HIBADH: variants seen among roughly 807,000 people sequenced by gnomAD.
HIBADH encodes 3-hydroxyisobutyrate dehydrogenase.
Under a neutral mutation model 36.1 loss-of-function variants are expected in HIBADH, and 25 were observed. The ratio of observed to expected loss-of-function variants is 0.69; its 90% CI spans 0.50 to 0.97. The LOEUF (loss-of-function observed/expected upper bound fraction) is 0.97, where lower values mean the gene tolerates loss of function less well. HIBADH is among the 50% of genes least tolerant of loss of function. HIBADH has a pLI of 0.00. For missense variants in HIBADH, 421 were observed against 418.0 expected, an observed-to-expected ratio of 1.01 and a Z score of -0.06; for synonymous variants, 160 against 149.5, an observed-to-expected ratio of 1.07 and a Z score of -0.51.
At chr7:27,621,138 G>T (rs188988645) in intron 4 of HIBADH, among the ~76,000 whole-genome samples, 2 of 152,012 alleles carry the variant, frequency 1.3e-5, no homozygotes, top group African/African-American at 4.8e-5. Flanking sequence ...TTAATTGTAG[G>T]GCATTAAATA....
chr7:27,601,653 G>A (rs1452856625), intron 4 of HIBADH, among the ~76,000 whole-genome samples: 1 of 152,058 alleles, frequency 6.6e-6, no homozygotes, highest in Non-Finnish European at 1.5e-5. Flanking sequence ...AAGCTGTCCT[G>A]TGTACTCATA....
In HIBADH at chr7:27,564,254, G is replaced by T. The variant is rs988900466; in HGVS notation, c.485-21154C>A. 2.6e-5 allele frequency among the ~76,000 whole-genome samples: 4 copies of T among 152,130 alleles called. No homozygotes were observed. The South Asian group carries it at 6.2e-4, about 24-fold the overall frequency. On this transcript the variant is annotated intron_variant, in intron 4 of 7. Coordinates refer to ENST00000265395, the MANE Select transcript of HIBADH (RefSeq NM_152740.4). ...ATTTTTTATGAATTATGCTTTGGGT[G>T]CCATATCACAGAATTTTTTCCAAAC... is the stretch of plus-strand genomic sequence containing the variant.
intron 4 of HIBADH, among the ~76,000 whole-genome samples, chr7:27,594,147 T>G (rs74965089): frequency 0.037 from 623 of 16,862 alleles, 27 homozygotes; most frequent in African/African-American, 0.26. Flanking sequence ...TGTTTTTGTT[T>G]TTTTGTTTTT....
intron 4 of HIBADH, among the ~76,000 whole-genome samples, chr7:27,608,509 T>G (rs1785269714): frequency 6.6e-6 from 1 of 152,196 alleles, no homozygotes; most frequent in Non-Finnish European, 1.5e-5. Context: ...AAAATCGGAC[T>G]TCTTGAAAAC....
At chr7:27,563,557 T>G (rs1784498322) in intron 4 of HIBADH, among the ~76,000 whole-genome samples, 1 of 152,258 alleles carries the variant, frequency 6.6e-6, no homozygotes, top group African/African-American at 2.4e-5. Flanking sequence ...TCATCAGCAC[T>G]TAAACTGTTG....
chr7:27,544,081 C>T (rs1330032916), intron 4 of HIBADH, among the ~76,000 whole-genome samples: 1 of 152,108 alleles, frequency 6.6e-6, no homozygotes, highest in Non-Finnish European at 1.5e-5. Flanking sequence ...ACTTATTTTA[C>T]AGTACAGTAA....
At chr7:27,550,155 T>TGA (rs1038298196) in intron 4 of HIBADH, among the ~76,000 whole-genome samples, 1 of 152,096 alleles carries the variant, frequency 6.6e-6, no homozygotes, top group African/African-American at 2.4e-5. Context: ...ATGATCCTCC[T>TGA]GCCTCGGCCT....
chr7:27,654,861 T>A (rs116886239), intron 1 of HIBADH, among the ~76,000 whole-genome samples: 5,190 of 152,068 alleles, frequency 0.034, 117 homozygotes, highest in South Asian at 0.093. Context: ...AATTTTTGCA[T>A]TTTTTTGTAG....
At chr7:27,638,480 T>C (rs930621201) in intron 2 of HIBADH, among the ~76,000 whole-genome samples, 3 of 151,906 alleles carry the variant, frequency 2.0e-5, no homozygotes, top group South Asian at 4.1e-4. Context: ...AACCTAAAGC[T>C]ATAAAAACCT....
chr7:27,590,649 C>T (rs984028657), intron 4 of HIBADH, among the ~76,000 whole-genome samples: 1 of 152,192 alleles, frequency 6.6e-6, no homozygotes, highest in Non-Finnish European at 1.5e-5. Flanking sequence ...TAGAGCTCTA[C>T]ATCTATCTAC....
intron 4 of HIBADH, among the ~76,000 whole-genome samples, chr7:27,543,968 A>G (rs1240534845): frequency 2.6e-5 from 4 of 152,204 alleles, no homozygotes; most frequent in African/African-American, 9.6e-5. Context: ...ATAAAATAAA[A>G]CCAAGAGCGC....
chr7:27,600,600 C>A (rs961061815), intron 4 of HIBADH, among the ~76,000 whole-genome samples: 1 of 151,896 alleles, frequency 6.6e-6, no homozygotes. Flanking sequence ...TCATCCTTTT[C>A]GAAACCTTTC....
At chr7:27,580,305 T>C (rs1307151935) in intron 4 of HIBADH, among the ~76,000 whole-genome samples, 2 of 152,200 alleles carry the variant, frequency 1.3e-5, no homozygotes, top group Admixed American at 6.5e-5. Flanking sequence ...GTTCTGGATT[T>C]GTACAGATCT....
At chr7:27,656,671 A>T (rs1424349326) in intron 1 of HIBADH, among the ~76,000 whole-genome samples, 1 of 152,214 alleles carries the variant, frequency 6.6e-6, no homozygotes, top group African/African-American at 2.4e-5. Flanking sequence ...GTCGGAGTTG[A>T]AGAAAATTTT....
At chr7:27,570,531 A>T (rs1481000745) in intron 4 of HIBADH, among the ~76,000 whole-genome samples, 1 of 152,186 alleles carries the variant, frequency 6.6e-6, no homozygotes, top group Non-Finnish European at 1.5e-5. Flanking sequence ...CCTAGGGCTG[A>T]GGAAGGAACT....
intron 4 of HIBADH, among the ~76,000 whole-genome samples, chr7:27,604,841 C>T (rs762042138): frequency 2.7e-4 from 41 of 152,122 alleles, no homozygotes; most frequent in Non-Finnish European, 4.7e-4. Flanking sequence ...TAAGTGGGAA[C>T]ATCAAGGTGG....
intron 7 of HIBADH, among the ~76,000 whole-genome samples, chr7:27,527,825 A>C: frequency 1.4e-5 from 2 of 141,894 alleles, no homozygotes; most frequent in African/African-American, 2.7e-5. Context: ...ATCTTGGCTC[A>C]CAGCAACCTC....
chr7:27,629,707 C>G (rs1202397007), intron 3 of HIBADH, among the ~76,000 whole-genome samples: 1 of 151,740 alleles, frequency 6.6e-6, no homozygotes, highest in Non-Finnish European at 1.5e-5. Context: ...TTCAAAAGAT[C>G]CAAAAAAAAC....
At chr7:27,535,187 A>T (rs1380700941) in intron 6 of HIBADH, among the ~76,000 whole-genome samples, 2 of 151,800 alleles carry the variant, frequency 1.3e-5, no homozygotes, top group African/African-American at 4.8e-5. Context: ...GTTTAGTGAC[A>T]TAATTTGTTT....
Sources: gnomAD v4.1 joint callset for allele counts (sites outside exome capture counted in the v4.1 genomes callset) on GRCh38, gnomAD v4.1.1 for gene constraint, MANE v1.5 for transcripts, NCBI Gene and HGNC (gene_info 2026-07-23, HGNC 2026-07-21) for gene names.